The following LMO7 variants were observed in gnomAD, a reference collection of about 807,000 sequenced individuals.
LMO7 encodes the protein LIM domain 7.
LMO7 carries 120 observed loss-of-function variants against 206.5 expected under a neutral mutation model. The observed-to-expected ratio is 0.58, with a 90% CI of 0.50 to 0.68. The LOEUF is 0.68. Among genes scored for constraint, LMO7 ranks in the 30% least tolerant of loss-of-function variants. The pLI, the probability that LMO7 is intolerant of heterozygous loss-of-function variation, is 0.00. For missense variants in LMO7, 1,959 were observed against 1,957.9 expected, an observed-to-expected ratio of 1.00 and a Z score of -0.01; for synonymous variants, 706 against 681.5, an observed-to-expected ratio of 1.04 and a Z score of -0.56.
chr13:75,721,447 C>G (rs1340410351), intron 2 of LMO7, among the ~76,000 whole-genome samples: 2 of 152,160 alleles, frequency 1.3e-5, no homozygotes, highest in Non-Finnish European at 2.9e-5. Context: ...TGCTCTGCTG[C>G]TGATCCCAGC....
At chr13:75,775,869 T>A (rs1258247493) in intron 4 of LMO7, among the ~76,000 whole-genome samples, 1 of 151,814 alleles carries the variant, frequency 6.6e-6, no homozygotes, top group African/African-American at 2.4e-5. Flanking sequence ...TTGGTGGGAA[T>A]GTAAATTAGT....
intron 4 of LMO7, among the ~76,000 whole-genome samples, chr13:75,785,612 A>G (rs887042613): frequency 5.3e-5 from 8 of 152,206 alleles, no homozygotes; most frequent in African/African-American, 1.7e-4. Context: ...TTTAAGTAAA[A>G]TAGGTCTTTG....
At chr13:75,726,427 G>A (rs2138574242) in intron 2 of LMO7, among the ~76,000 whole-genome samples, 1 of 151,942 alleles carries the variant, frequency 6.6e-6, no homozygotes, top group East Asian at 1.9e-4. Flanking sequence ...AGATTCTGAG[G>A]TAACTTAGTT....
chr13:75,800,973 G>A, intron 7 of LMO7, 91 bp downstream of exon 7: 1 of 1,215,064 alleles, frequency 8.2e-7, no homozygotes, highest in Non-Finnish European at 1.2e-6. Context: ...CAAAAACTAG[G>A]CAAAAATTTC....
At chr13:75,677,262 T>G (rs2040090239) in intron 1 of LMO7, among the ~76,000 whole-genome samples, 1 of 152,264 alleles carries the variant, frequency 6.6e-6, no homozygotes, top group African/African-American at 2.4e-5. Flanking sequence ...ATTTACTTTA[T>G]GGTTTCTAAA....
At chr13:75,801,836 A>G (rs181663187) in intron 7 of LMO7, among the ~76,000 whole-genome samples, 55 of 152,350 alleles carry the variant, frequency 3.6e-4, no homozygotes, top group Admixed American at 7.8e-4. Context: ...TAGCATATCT[A>G]TGACAAAAAT....
At chr13:75,737,608 C>G (rs1329573469) in intron 3 of LMO7, among the ~76,000 whole-genome samples, 1 of 146,828 alleles carries the variant, frequency 6.8e-6, no homozygotes, top group East Asian at 2.0e-4. Flanking sequence ...AAAAAATTAG[C>G]CGGGCGTGGT....
chr13:75,849,215 C>A lies in LMO7; in HGVS notation c.4287C>A (p.His1429Gln), dbSNP rs139899673. 1.3e-4 allele frequency: 217 copies of A among 1,614,164 alleles called. 2 individuals carry two copies. In the East Asian group the frequency reaches 4.4e-3, roughly 33 times the overall value. Residue 1429 changes from histidine to glutamine, a missense_variant, in exon 27 of 31, where the codon CAC (histidine) becomes CAA (glutamine). By Grantham distance (24) the His-to-Gln change is conservative. Transcript: ENST00000377534. ...LQEMRKRTPL[H>Q]NDNSWIRQRS... ...AAATGAGGAAGAGAACACCCCTTCACAATGACAACAGCTGGATCCGACAGC... is the reference window on the plus strand; with the variant it reads ...AAATGAGGAAGAGAACACCCCTTCAAAATGACAACAGCTGGATCCGACAGC...
rs185884090 is a variant in LMO7, at chr13:75,816,917, G to C, written c.1947-244G>C. The C allele has an allele frequency of 1.2e-3, 370 of 299,558 alleles. 4 individuals carry two copies. Among genetic ancestry groups the C allele is most frequent in the African/African-American group, 7.5e-3 (344 of 46,140 alleles). The allele number at this position is 299,558 out of a possible 1,614,324, so 18.6% of individuals were successfully genotyped here. The stretch of plus-strand genomic sequence containing the variant: ...TTGTTTTTTGTTTTTTTGTTTGTTT[G>C]TTTTTTTTGAGACTTGTATAGGGCT... On this transcript the variant is annotated intron_variant, in intron 11 of 30. Coordinates refer to ENST00000377534, the MANE Select transcript of LMO7 (RefSeq NM_001306080.2).
At chr13:75,734,638 G>A (rs2045615526) in intron 3 of LMO7, among the ~76,000 whole-genome samples, 1 of 152,072 alleles carries the variant, frequency 6.6e-6, no homozygotes, top group East Asian at 1.9e-4. Context: ...GAAAATATCT[G>A]TCTAGGAGAG....
Position 75,758,197 on chromosome 13 carries a change from A to AT in LMO7, c.211-2730dup, listed in dbSNP as rs530938884. 2.0e-3 allele frequency among the ~76,000 whole-genome samples: 303 copies of AT among 152,186 alleles called. 2 individuals are homozygous for AT. Among genetic ancestry groups the AT allele is most frequent in the African/African-American group, 6.9e-3 (287 of 41,516 alleles). On this transcript the variant is annotated intron_variant, in intron 3 of 30. Coordinates refer to ENST00000377534, the MANE Select transcript of LMO7 (RefSeq NM_001306080.2). ...TAATTTGTCCTTTATTTTCCCTTTT[A>AT]TTTTTGCTAATTTCAAGTGAAAATT...
chr13:75,761,327 C>T (rs564451073), intron 4 of LMO7, among the ~76,000 whole-genome samples: 1 of 152,118 alleles, frequency 6.6e-6, no homozygotes, highest in South Asian at 2.1e-4. Flanking sequence ...TGTTTGGTTG[C>T]TAATGTTGAG....
intron 1 of LMO7, among the ~76,000 whole-genome samples, chr13:75,658,454 C>T (rs960899130): frequency 6.6e-6 from 1 of 151,880 alleles, no homozygotes; most frequent in Non-Finnish European, 1.5e-5. Flanking sequence ...CTTTATTTTC[C>T]AATTCTTCTT....
At chr13:75,769,527 CATT>C (rs2049353905) in intron 4 of LMO7, among the ~76,000 whole-genome samples, 1 of 151,904 alleles carries the variant, frequency 6.6e-6, no homozygotes, top group Non-Finnish European at 1.5e-5. Flanking sequence ...CTCATACTAA[CATT>C]ATTCTTAAAT....
At chr13:75,743,372 T>C (rs2046575723) in intron 3 of LMO7, among the ~76,000 whole-genome samples, 1 of 151,972 alleles carries the variant, frequency 6.6e-6, no homozygotes, top group Admixed American at 6.6e-5. Flanking sequence ...TATACCCAAA[T>C]CATTCTATCA....
chr13:75,852,962 A>G, intron 27 of LMO7, 130 bp from the exon 28 acceptor site: 5 of 720,744 alleles, frequency 6.9e-6, no homozygotes, highest in Non-Finnish European at 1.1e-5. Context: ...CTGTATATGT[A>G]ACTAGAATAC....
At chr13:75,641,759 A>G (rs1287982912) in intron 1 of LMO7, among the ~76,000 whole-genome samples, 3 of 151,426 alleles carry the variant, frequency 2.0e-5, no homozygotes, top group Admixed American at 2.0e-4. Flanking sequence ...GATTTAAGTG[A>G]TTCTCCTGTC....
chr13:75,634,299 G>T (rs1183376447), upstream of LMO7, among the ~76,000 whole-genome samples: 1 of 152,018 alleles, frequency 6.6e-6, no homozygotes, highest in African/African-American at 2.4e-5. Context: ...TTAGCTGGGT[G>T]TGGTGTCACT....
chr13:75,760,008 C>T lies in LMO7; in HGVS notation c.211-924C>T, dbSNP rs1472970378. On this transcript the variant is annotated intron_variant, in intron 3 of 30. Coordinates refer to ENST00000377534, the MANE Select transcript of LMO7 (RefSeq NM_001306080.2). ...ACTGTAACAGTTAATATGGAGAACC[C>T]GCCTGGGATTGTCACAAGTTCAACC... Among the ~76,000 whole-genome samples the T allele has an allele frequency of 2.0e-5, 3 of 151,832 alleles. 1 individual carries two copies. The highest frequency in any genetic ancestry group is 2.1e-4 in the South Asian group (1 of 4,808).
Sources: gnomAD v4.1 joint callset for allele counts (sites outside exome capture counted in the v4.1 genomes callset) on GRCh38, gnomAD v4.1.1 for gene constraint, MANE v1.5 for transcripts, NCBI Gene and HGNC (gene_info 2026-07-23, HGNC 2026-07-21) for gene names.